The following RBFOX1 variants were observed in gnomAD, a reference collection of about 807,000 sequenced individuals.
The protein encoded by RBFOX1 is RNA binding fox-1 homolog 1, also known as RNA binding protein fox-1 homolog 1.
A neutral mutation model predicts 57.7 loss-of-function variants in RBFOX1; 8 were observed. The observed-to-expected ratio is 0.14, with a 90% CI of 0.08 to 0.25. The LOEUF (loss-of-function observed/expected upper bound fraction) is 0.25. Ranked by LOEUF, RBFOX1 falls within the 10% of genes least tolerant of loss-of-function variation. RBFOX1 has a pLI of 1.00. For missense variants in RBFOX1, 611 were observed against 548.5 expected, an observed-to-expected ratio of 1.11 and a Z score of -1.14; for synonymous variants, 326 against 222.4, an observed-to-expected ratio of 1.47 and a Z score of -4.15.
chr16:6,762,291 A>C (rs17141359), intron 3 of RBFOX1, among the ~76,000 whole-genome samples: 16,040 of 152,212 alleles, frequency 0.11, 983 homozygotes, highest in African/African-American at 0.16. Context: ...ACTTCTAGTG[A>C]AAATACTGAC....
chr16:7,708,152 A>C (rs2083109555), intron 14 of RBFOX1, among the ~76,000 whole-genome samples: 1 of 152,244 alleles, frequency 6.6e-6, no homozygotes, highest in South Asian at 2.1e-4. Context: ...CAACCTGAGT[A>C]ACATAGCAAG....
At chr16:7,481,672 A>G (rs1435131018) in intron 4 of RBFOX1, among the ~76,000 whole-genome samples, 1 of 152,154 alleles carries the variant, frequency 6.6e-6, no homozygotes, top group African/African-American at 2.4e-5. Flanking sequence ...CCTTATAAGA[A>G]TGCTTTGAGT....
At chr16:6,636,749 A>C (rs1219317341) in intron 2 of RBFOX1, among the ~76,000 whole-genome samples, 1 of 128,940 alleles carries the variant, frequency 7.8e-6, no homozygotes, top group Non-Finnish European at 1.6e-5. Context: ...AATTATATAT[A>C]ATATAGTTTA....
chr16:5,826,266 A>G lies in RBFOX1; in HGVS notation c.319-41037A>G, dbSNP rs562977017. Among the ~76,000 whole-genome samples the G allele has an allele frequency of 1.8e-4, 27 of 152,038 alleles. No individual in the cohort carries two copies. The South Asian group carries it at 4.6e-3, about 26-fold the overall frequency. On this transcript the variant is annotated intron_variant, in intron 3 of 19. Transcript: ENST00000641259. ...CTTCCCTTAGCACTTTTTATCTAACATTTACCTGAAATATACTGTGCCCCT... is the reference window on the plus strand; with the variant it reads ...CTTCCCTTAGCACTTTTTATCTAACGTTTACCTGAAATATACTGTGCCCCT...
chr16:6,964,901 C>G (rs149015790), intron 3 of RBFOX1, among the ~76,000 whole-genome samples: 58 of 152,336 alleles, frequency 3.8e-4, no homozygotes, highest in African/African-American at 1.3e-3. Flanking sequence ...TCCTCCCTGA[C>G]TTAAGCCAGG....
rs79132541 is a variant in RBFOX1, at chr16:6,136,161, C to T, written c.-127+116169C>T. ...ACCATTGCTAAGCTCGCGATGATAACACCTATTAGAGGAAGTCTTCTGAAA... is the reference window on the plus strand; with the variant it reads ...ACCATTGCTAAGCTCGCGATGATAATACCTATTAGAGGAAGTCTTCTGAAA... On this transcript the variant is annotated intron_variant, in intron 1 of 15. Coordinates refer to ENST00000550418, the MANE Select transcript of RBFOX1 (RefSeq NM_018723.4). 4.1e-3 allele frequency among the ~76,000 whole-genome samples: 630 copies of T among 152,212 alleles called. 4 individuals are homozygous for T. Among genetic ancestry groups the T allele is most frequent in the East Asian group, 0.03 (157 of 5,156 alleles).
intron 1 of RBFOX1, among the ~76,000 whole-genome samples, chr16:5,263,007 T>G (rs2062772134): frequency 6.6e-6 from 1 of 151,110 alleles, no homozygotes; most frequent in Non-Finnish European, 1.5e-5. Context: ...TTCTGGGGAG[T>G]GGGAGATCAT....
Position 5,286,906 on chromosome 16 carries a change from T to G in RBFOX1, c.219+46801T>G, listed in dbSNP as rs185910150. Among the ~76,000 whole-genome samples, 122 of 152,344 alleles carry G rather than the reference T, an allele frequency of 8.0e-4. 2 individuals are homozygous for G. The East Asian group carries it at 0.022, about 27-fold the overall frequency. On this transcript the variant is annotated intron_variant, in intron 1 of 2. Transcript: ENST00000585867. ...CAGATTTGGCCCTTGGTCTATAGTT[T>G]GCCAACCCTGTTCAGACCAGTCACA...
At chr16:7,694,071 G>A (rs548092725) in intron 14 of RBFOX1, among the ~76,000 whole-genome samples, 150 of 152,306 alleles carry the variant, frequency 9.8e-4, no homozygotes, top group African/African-American at 3.5e-3. Context: ...ACTTTGATTA[G>A]TATGGAGTTA....
At chr16:5,373,541 C>G (rs987190618) in intron 1 of RBFOX1, among the ~76,000 whole-genome samples, 3 of 152,110 alleles carry the variant, frequency 2.0e-5, no homozygotes, top group African/African-American at 7.2e-5. Flanking sequence ...TGTAAGTTTC[C>G]TGAGGCCTCC....
At chr16:6,592,621 G>A (rs944268001) in intron 2 of RBFOX1, among the ~76,000 whole-genome samples, 2 of 152,150 alleles carry the variant, frequency 1.3e-5, no homozygotes, top group African/African-American at 4.8e-5. Context: ...ATATACATAT[G>A]GGGAAGCGGA....
intron 3 of RBFOX1, among the ~76,000 whole-genome samples, chr16:6,980,884 A>C (rs2088597955): frequency 6.6e-6 from 1 of 151,990 alleles, no homozygotes; most frequent in Non-Finnish European, 1.5e-5. Context: ...CTGTACTAAA[A>C]ATACAAAAAT....
intron 4 of RBFOX1, among the ~76,000 whole-genome samples, chr16:7,327,993 T>C (rs932064229): frequency 1.3e-5 from 2 of 152,178 alleles, no homozygotes; most frequent in Admixed American, 6.5e-5. Context: ...CCAACACTTC[T>C]GTTTCTTCCT....
intron 2 of RBFOX1, among the ~76,000 whole-genome samples, chr16:6,361,561 G>A (rs1320425218): frequency 6.6e-6 from 1 of 151,592 alleles, no homozygotes; most frequent in Non-Finnish European, 1.5e-5. Flanking sequence ...CCAGGAGGCG[G>A]AGGTTGCAGT....
chr16:5,529,506 C>G (rs1219765596), intron 2 of RBFOX1, among the ~76,000 whole-genome samples: 1 of 151,468 alleles, frequency 6.6e-6, no homozygotes, highest in South Asian at 2.1e-4. Flanking sequence ...AAGCAATTCT[C>G]CTGCCTCAGC....
At position 5,689,911 on chromosome 16, in the gene RBFOX1, G is replaced by C. The variant is rs184999208; in HGVS notation, c.318+90950G>C. Among the ~76,000 whole-genome samples the C allele has an allele frequency of 2.0e-5, 3 of 152,330 alleles. No individual in the cohort carries two copies. In the East Asian group the frequency reaches 5.8e-4, roughly 29 times the overall value. On this transcript the variant is annotated intron_variant, in intron 3 of 19. Transcript: ENST00000641259. Reference sequence around the variant, plus strand: ...GGGAATGATGGAACAGGATAGTCTAGGAAGGTCTCTCTGAAGTATTGACCT... The same window carrying C: ...GGGAATGATGGAACAGGATAGTCTACGAAGGTCTCTCTGAAGTATTGACCT...
At chr16:6,855,817 T>TCCCTTCCCTC (rs2057759403) in intron 3 of RBFOX1, among the ~76,000 whole-genome samples, 1 of 112,954 alleles carries the variant, frequency 8.9e-6, no homozygotes, top group Non-Finnish European at 1.9e-5. Context: ...TTCCCTTCCT[T>TCCCTTCCCTC]CCTCCTTCCC....
At chr16:5,428,457 A>G (rs1270048744) in intron 1 of RBFOX1, among the ~76,000 whole-genome samples, 1 of 152,124 alleles carries the variant, frequency 6.6e-6, no homozygotes, top group Non-Finnish European at 1.5e-5. Context: ...ACCCCTGGGG[A>G]ATTGCAGTGT....
chr16:6,435,581 G>A (rs1381245652), intron 2 of RBFOX1, among the ~76,000 whole-genome samples: 1 of 152,144 alleles, frequency 6.6e-6, no homozygotes, highest in Non-Finnish European at 1.5e-5. Flanking sequence ...TGGGATTACA[G>A]GTGTGAGCCA....
Sources: allele counts gnomAD v4.1 joint callset (sites outside exome capture counted in the v4.1 genomes callset), GRCh38; gene constraint gnomAD v4.1.1; transcripts MANE v1.5; gene names NCBI Gene and HGNC (gene_info 2026-07-23, HGNC 2026-07-21).